Variants in SVOPL observed in about 807,000 individuals in gnomAD.
SVOPL encodes SVOP like.
SVOPL carries 60 observed loss-of-function variants against 61.0 expected under a neutral mutation model. The ratio of observed to expected loss-of-function variants is 0.98; its 90% CI spans 0.80 to 1.22. SVOPL has a LOEUF of 1.22. SVOPL is among the 50% of genes most tolerant of loss of function. The pLI is 0.00. For missense variants in SVOPL, 662 were observed against 643.9 expected (o/e 1.03, Z -0.30); for synonymous variants, 279 against 250.0 (o/e 1.12, Z -1.09).
intron 9 of SVOPL, among the ~76,000 whole-genome samples, chr7:138,642,831 C>CA (rs749603417): frequency 3.8e-3 from 102 of 26,890 alleles, no homozygotes; most frequent in African/African-American, 5.4e-3. Flanking sequence ...CTCCTACCTC[C>CA]AAAAAAAAAA....
At chr7:138,661,666 A>T (rs1802005854) in intron 5 of SVOPL, 3 of 937,612 alleles carry the variant, frequency 3.2e-6, no homozygotes, top group Non-Finnish European at 2.5e-6. Flanking sequence ...ATCAGCTGAT[A>T]GCATACCTTA....
intron 1 of SVOPL, chr7:138,689,334 G>T: frequency 1.3e-6 from 2 of 1,591,726 alleles, no homozygotes; most frequent in Non-Finnish European, 1.7e-6. Flanking sequence ...GCATATCCAA[G>T]TGAACAAAGC....
intron 7 of SVOPL, 38 bp downstream of exon 7, chr7:138,656,410 G>C (rs767969020): frequency 3.5e-5 from 56 of 1,604,352 alleles, no homozygotes; most frequent in Admixed American, 5.0e-5. Flanking sequence ...TTATCCCATA[G>C]GATGCCAAAG....
chr7:138,683,349 T>C (rs1802738954), intron 1 of SVOPL, among the ~76,000 whole-genome samples: 1 of 152,054 alleles, frequency 6.6e-6, no homozygotes, highest in African/African-American at 2.4e-5. Context: ...AATAAATAAT[T>C]CAAAAAAATG....
chr7:138,624,846 G>A (rs1175377073), intron 13 of SVOPL, among the ~76,000 whole-genome samples: 1 of 151,918 alleles, frequency 6.6e-6, no homozygotes, highest in Non-Finnish European at 1.5e-5. Context: ...TACAATTACA[G>A]GTACATGCCC....
At chr7:138,602,836 A>G (rs1405603950) in intron 14 of SVOPL, among the ~76,000 whole-genome samples, 1 of 151,992 alleles carries the variant, frequency 6.6e-6, no homozygotes, top group Middle Eastern at 3.2e-3. Flanking sequence ...TAAGGTAAGA[A>G]ACCTTTTTAT....
chr7:138,698,564 C>T (rs1056154099), intron 1 of SVOPL, among the ~76,000 whole-genome samples: 5 of 152,136 alleles, frequency 3.3e-5, no homozygotes, highest in Admixed American at 3.3e-4. Context: ...TCTCCCGCAG[C>T]CTCGGACTGC....
intron 9 of SVOPL, among the ~76,000 whole-genome samples, chr7:138,631,345 A>G (rs561450328): frequency 2.0e-4 from 30 of 152,278 alleles, no homozygotes; most frequent in African/African-American, 7.0e-4. Flanking sequence ...GAACAATCCA[A>G]TTACACACCT....
At chr7:138,649,351 T>C (rs963800674) in intron 7 of SVOPL, among the ~76,000 whole-genome samples, 1 of 152,198 alleles carries the variant, frequency 6.6e-6, no homozygotes, top group Non-Finnish European at 1.5e-5. Context: ...TGGAGTGCAG[T>C]GATCCAACCT....
At chr7:138,630,717 C>T (rs559151565) in intron 9 of SVOPL, among the ~76,000 whole-genome samples, 6 of 152,086 alleles carry the variant, frequency 3.9e-5, no homozygotes, top group Admixed American at 2.0e-4. Context: ...CCGAGGTGGG[C>T]GGATCACCTG....
chr7:138,688,220 A>G (rs1438657868), intron 1 of SVOPL, among the ~76,000 whole-genome samples: 3 of 152,172 alleles, frequency 2.0e-5, no homozygotes, highest in Admixed American at 2.0e-4. Context: ...GGGAAATGCA[A>G]ATCAAAACCA....
intron 6 of SVOPL, among the ~76,000 whole-genome samples, chr7:138,659,191 A>G (rs11762109): frequency 0.26 from 40,060 of 152,060 alleles, 6,041 homozygotes; most frequent in Middle Eastern, 0.38. Context: ...ACCAATGCCA[A>G]TCAGAAAATG....
chr7:138,624,069 C>T (rs933296163), intron 13 of SVOPL, among the ~76,000 whole-genome samples: 5 of 152,154 alleles, frequency 3.3e-5, no homozygotes, highest in Admixed American at 1.3e-4. Context: ...ATCCACCTGC[C>T]GCGGCCTCCC....
rs369408540 is a variant in SVOPL, at chr7:138,623,376, G to A, written c.1264-2241C>T. ...AGCACTTTGGGAGGCCGAGGCGGGC[G>A]GATCATGAGGTCAGAAGATTGAGAC... On this transcript the variant is annotated intron_variant, in intron 13 of 15. Coordinates refer to ENST00000674285, the MANE Select transcript of SVOPL (RefSeq NM_001139456.2). Among the ~76,000 whole-genome samples the A allele has an allele frequency of 4.0e-3, 609 of 152,184 alleles. 3 individuals carry two copies. The highest frequency in any genetic ancestry group is 0.013 in the African/African-American group (539 of 41,500).
At chr7:138,661,207 C>T in intron 5 of SVOPL, 2 of 985,348 alleles carry the variant, frequency 2.0e-6, no homozygotes, top group Non-Finnish European at 2.4e-6. Context: ...ATAGAAAAGA[C>T]AGACCTGGGT....
rs2116958564 is a variant in SVOPL, at chr7:138,637,429, TATATATATATATAGATAG to T, written c.789+7270_789+7287del. ...GGTGACAGAGCAAGACTCCATCTCA[TATATATATATATAGATAG>T]ATAGATAGATATATATATATAGATA... On this transcript the variant is annotated intron_variant, in intron 9 of 15. Transcript: ENST00000674285. 3.1e-5 allele frequency among the ~76,000 whole-genome samples: 3 copies of T among 96,020 alleles called. No individual in the cohort carries two copies. In the South Asian group the frequency reaches 1.1e-3, roughly 37 times the overall value. The allele number at this position is 96,020 out of a possible 152,430, so 63.0% of individuals were successfully genotyped here.
chr7:138,689,856 CAAA>C (rs71520015), intron 1 of SVOPL, among the ~76,000 whole-genome samples: 6 of 106,560 alleles, frequency 5.6e-5, no homozygotes, highest in Admixed American at 1.1e-4. Context: ...GACTCCGTCT[CAAA>C]AAAAAAAAAA....
At chr7:138,648,668 A>ACTGCACTCCAGCCTGGGGGACG (rs1246285235) in intron 8 of SVOPL, among the ~76,000 whole-genome samples, 3 of 150,310 alleles carry the variant, frequency 2.0e-5, no homozygotes, top group South Asian at 4.2e-4. Context: ...AGGTCGCGCC[A>ACTGCACTCCAGCCTGGGGGACG]CTGCACTCCA....
At chr7:138,615,855 AAAAT>A (rs1391516640) in intron 14 of SVOPL, among the ~76,000 whole-genome samples, 1 of 143,052 alleles carries the variant, frequency 7.0e-6, no homozygotes, top group Non-Finnish European at 1.6e-5. Flanking sequence ...AATTTTTTAA[AAAAT>A]AAAACAAAAA....
Sources: allele counts gnomAD v4.1 joint callset (sites outside exome capture counted in the v4.1 genomes callset), GRCh38; gene constraint gnomAD v4.1.1; transcripts MANE v1.5; gene names NCBI Gene and HGNC (gene_info 2026-07-23, HGNC 2026-07-21).